Variants in OLFM2 observed in about 807,000 individuals in gnomAD.
OLFM2 encodes the protein olfactomedin 2, also known as noelin-2.
Under a neutral mutation model 43.9 loss-of-function variants are expected in OLFM2, and 20 were observed. That is an observed-to-expected ratio of 0.46 (90% CI 0.32 to 0.66). The LOEUF (loss-of-function observed/expected upper bound fraction) is 0.66, where lower values mean the gene tolerates loss of function less well. OLFM2 is among the 30% of genes least tolerant of loss of function. The pLI is 0.04. For synonymous variants in OLFM2, 268 were observed against 278.6 expected (o/e 0.96, Z 0.38); for missense variants, 416 against 643.6 (o/e 0.65, Z 3.83).
At chr19:9,894,805 T>G (rs2046669298) in intron 1 of OLFM2, among the ~76,000 whole-genome samples, 1 of 152,136 alleles carries the variant, frequency 6.6e-6, no homozygotes. Flanking sequence ...ATTTTCTCTT[T>G]ATCTTTCTCT....
intron 1 of OLFM2, among the ~76,000 whole-genome samples, chr19:9,881,625 G>A (rs2046540459): frequency 2.0e-5 from 3 of 151,940 alleles, no homozygotes; most frequent in Admixed American, 1.3e-4. Context: ...CCGAGTAGCT[G>A]GGACTACATG....
intron 1 of OLFM2, among the ~76,000 whole-genome samples, chr19:9,933,357 C>T (rs1270534490): frequency 6.6e-6 from 1 of 152,054 alleles, no homozygotes; most frequent in East Asian, 1.9e-4. Flanking sequence ...CTGCCTCAGC[C>T]TCCTGAATAG....
chr19:9,885,423 C>A (rs867779227), intron 1 of OLFM2, among the ~76,000 whole-genome samples: 1 of 152,196 alleles, frequency 6.6e-6, no homozygotes, highest in Admixed American at 6.5e-5. Flanking sequence ...GCTCCTATGA[C>A]CCCCCTCGTT....
intron 1 of OLFM2, among the ~76,000 whole-genome samples, chr19:9,867,474 C>A (rs2046411438): frequency 1.3e-5 from 2 of 152,126 alleles, no homozygotes; most frequent in Non-Finnish European, 2.9e-5. Flanking sequence ...CATTGGCTAT[C>A]AGGAAGTAGC....
rs1414423940 is a variant in OLFM2, at chr19:9,907,677, G to C, written c.63+28627C>G. ...AGAGGTAGAGACAGACAGACACAGA[G>C]AGACATGGAGAGACAGACATGAATG... On this transcript the variant is annotated intron_variant, in intron 1 of 5. Coordinates refer to ENST00000264833, the MANE Select transcript of OLFM2 (RefSeq NM_058164.4). Among the ~76,000 whole-genome samples the C allele has an allele frequency of 2.0e-5, 3 of 152,104 alleles. No homozygotes were observed. The East Asian group carries it at 5.8e-4, about 30-fold the overall frequency.
intron 1 of OLFM2, among the ~76,000 whole-genome samples, chr19:9,901,066 A>C: frequency 1.5e-5 from 1 of 66,594 alleles, no homozygotes; most frequent in East Asian, 5.5e-4. Flanking sequence ...GAGGGAGGGA[A>C]GGGAGGGAAA....
At position 9,854,246 on chromosome 19, in the gene OLFM2, G is replaced by A; in HGVS notation, c.1305C>T (p.Gly435=). 1 of 1,614,148 alleles carries A rather than the reference G, an allele frequency of 6.2e-7. No individual in the cohort carries two copies. Among genetic ancestry groups the A allele is most frequent in the South Asian group, 1.1e-5 (1 of 91,084 alleles). The change falls in exon 6 of 6, where the codon GGC becomes GGT. Residue 435 remains glycine (G), a synonymous_variant. Coordinates refer to ENST00000264833, the MANE Select transcript of OLFM2 (RefSeq NM_058164.4). This position sits in a 1 kb window ranked among gnomAD's most constrained non-coding sequence, Gnocchi z 9.5. ...GGGTGACATTGTAGAGCACCTGGTG[G>A]CCGTTGTTCCAGGTATAGAGGGCGC... is the stretch of plus-strand genomic sequence containing the variant. ...RERALYTWNN[G]HQVLYNVTLF...
intron 1 of OLFM2, among the ~76,000 whole-genome samples, chr19:9,876,905 G>A (rs2046493423): frequency 6.6e-6 from 1 of 152,152 alleles, no homozygotes; most frequent in Non-Finnish European, 1.5e-5. Flanking sequence ...GTGAAAGCAA[G>A]TTTATTAGAG....
chr19:9,921,858 C>T (rs1333642823), intron 1 of OLFM2, among the ~76,000 whole-genome samples: 1 of 152,008 alleles, frequency 6.6e-6, no homozygotes, highest in Non-Finnish European at 1.5e-5. Context: ...CTTTGGGAGG[C>T]CGGGGCGGGA....
chr19:9,919,411 C>T (rs2086406070), intron 1 of OLFM2, among the ~76,000 whole-genome samples: 1 of 151,992 alleles, frequency 6.6e-6, no homozygotes, highest in Non-Finnish European at 1.5e-5. Flanking sequence ...CGTAATCCAC[C>T]TGCCTCGGCC....
chr19:9,904,148 TTGTTTG>T (rs1047440224), intron 1 of OLFM2, among the ~76,000 whole-genome samples: 2 of 125,198 alleles, frequency 1.6e-5, no homozygotes, highest in Non-Finnish European at 3.4e-5. Context: ...AGGCTGAGTA[TTGTTTG>T]TGTGTGTGTG....
At position 9,854,467 on chromosome 19, in the gene OLFM2, C is replaced by T. The variant is rs2046296854; in HGVS notation, c.1084G>A (p.Asp362Asn). The T allele has an allele frequency of 1.2e-6, 2 of 1,614,072 alleles. No homozygotes were observed. The highest frequency in any genetic ancestry group is 2.7e-5 in the African/African-American group (2 of 75,054). The change falls in exon 6 of 6, where the codon GAC becomes AAC. Residue 362 changes from aspartate to asparagine, a missense_variant. Transcript: ENST00000264833. This position sits in a 1 kb window ranked among gnomAD's most constrained non-coding sequence, Gnocchi z 9.5. ...PHTLEVMRSWDTGYPKRSAGE... is the reference protein window; with the variant it reads ...PHTLEVMRSWNTGYPKRSAGE... ...GCGCTGCGCTTGGGGTAGCCGGTGT[C>T]CCAGGACCGCATGACCTCGAGGGTG... is the stretch of plus-strand genomic sequence containing the variant.
At chr19:9,897,001 G>A (rs780065913) in intron 1 of OLFM2, among the ~76,000 whole-genome samples, 4 of 152,130 alleles carry the variant, frequency 2.6e-5, no homozygotes, top group Admixed American at 1.3e-4. Flanking sequence ...AGACCAGCCC[G>A]GGCAACATAG....
At chr19:9,888,305 T>C (rs1296833018) in intron 1 of OLFM2, among the ~76,000 whole-genome samples, 2 of 151,534 alleles carry the variant, frequency 1.3e-5, no homozygotes, top group Admixed American at 6.6e-5. Context: ...GGTGGATCAT[T>C]TGAGGTCGGG....
chr19:9,900,536 C>T (rs960820115), intron 1 of OLFM2, among the ~76,000 whole-genome samples: 1 of 151,912 alleles, frequency 6.6e-6, no homozygotes, highest in Non-Finnish European at 1.5e-5. Flanking sequence ...TTCCTTGTGC[C>T]GGGCACCTTT....
intron 1 of OLFM2, among the ~76,000 whole-genome samples, chr19:9,931,623 C>T (rs1227552460): frequency 1.4e-5 from 2 of 147,466 alleles, no homozygotes; most frequent in East Asian, 4.0e-4. Context: ...ATCTCTTGAG[C>T]CCGGGAGGCA....
At chr19:9,855,258 T>G (rs919142215) in intron 5 of OLFM2, among the ~76,000 whole-genome samples, 4 of 150,064 alleles carry the variant, frequency 2.7e-5, no homozygotes, top group African/African-American at 7.4e-5. Context: ...TTTTTTTTTT[T>G]GAGATGGAGT....
chr19:9,919,896 G>C (rs1184156359), intron 1 of OLFM2, among the ~76,000 whole-genome samples: 2 of 149,644 alleles, frequency 1.3e-5, no homozygotes, highest in Admixed American at 6.8e-5. Context: ...CAGGGTTCAA[G>C]TGATTCTCGT....
At chr19:9,871,062 G>C (rs1263933767) in intron 1 of OLFM2, among the ~76,000 whole-genome samples, 1 of 151,934 alleles carries the variant, frequency 6.6e-6, no homozygotes, top group Non-Finnish European at 1.5e-5. Context: ...TCTAGGTCAG[G>C]AGTTCGAGAC....
Sources: gnomAD v4.1 joint callset for allele counts (sites outside exome capture counted in the v4.1 genomes callset) on GRCh38, gnomAD v4.1.1 for gene constraint, Gnocchi (gnomAD v3.1) non-coding constraint, MANE v1.5 for transcripts, NCBI Gene and HGNC (gene_info 2026-07-23, HGNC 2026-07-21) for gene names.